SLC35F3: variants seen among roughly 807,000 people sequenced by gnomAD.
SLC35F3 encodes the protein solute carrier family 35 member F3, also known as putative thiamine transporter SLC35F3.
In SLC35F3, 25 loss-of-function variants were observed where a neutral mutation model predicts 49.9. The observed-to-expected ratio is 0.50, with a 90% CI of 0.37 to 0.70. The LOEUF (loss-of-function observed/expected upper bound fraction) is 0.70, where lower values mean the gene tolerates loss of function less well. SLC35F3 is among the 30% of genes least tolerant of loss of function. The pLI is 0.00. For synonymous variants in SLC35F3, 275 were observed against 265.4 expected, an observed-to-expected ratio of 1.04 and a Z score of -0.35; for missense variants, 525 against 639.8, an observed-to-expected ratio of 0.82 and a Z score of 1.94.
At chr1:234,017,606 C>G (rs906837313) in intron 2 of SLC35F3, among the ~76,000 whole-genome samples, 3 of 147,570 alleles carry the variant, frequency 2.0e-5, no homozygotes, top group Non-Finnish European at 4.5e-5. Context: ...CCCAGCTACT[C>G]GGGAGGCTGA....
chr1:234,049,802 G>A (rs941000035), intron 2 of SLC35F3, among the ~76,000 whole-genome samples: 6 of 151,876 alleles, frequency 4.0e-5, no homozygotes, highest in East Asian at 3.9e-4. Flanking sequence ...CCAACCCCAC[G>A]ACGGGCCCCG....
chr1:234,169,570 A>C (rs1167401644), intron 2 of SLC35F3, among the ~76,000 whole-genome samples: 1 of 141,560 alleles, frequency 7.1e-6, no homozygotes, highest in African/African-American at 3.1e-5. Context: ...GGACAGGGAC[A>C]TACTGCCTGT....
At chr1:234,254,794 G>T (rs533956045) in intron 3 of SLC35F3, among the ~76,000 whole-genome samples, 4 of 152,162 alleles carry the variant, frequency 2.6e-5, no homozygotes, top group African/African-American at 9.7e-5. Context: ...ATAAACAAAG[G>T]TGTTGCTAGA....
intron 3 of SLC35F3, among the ~76,000 whole-genome samples, chr1:234,297,109 C>T (rs918530001): frequency 6.6e-6 from 1 of 152,164 alleles, no homozygotes; most frequent in Admixed American, 6.5e-5. Context: ...TGAGATACCA[C>T]CTCACATCTG....
At chr1:234,235,987 C>G (rs1667462207) in intron 3 of SLC35F3, among the ~76,000 whole-genome samples, 1 of 152,032 alleles carries the variant, frequency 6.6e-6, no homozygotes, top group Non-Finnish European at 1.5e-5. Flanking sequence ...TGCGTCTTCT[C>G]TAGGCAATGC....
intron 2 of SLC35F3, among the ~76,000 whole-genome samples, chr1:233,975,340 T>C (rs1354062508): frequency 2.6e-5 from 4 of 152,248 alleles, no homozygotes; most frequent in Non-Finnish European, 4.4e-5. Flanking sequence ...AAGTGCTCAC[T>C]GATGGAACCC....
At chr1:234,319,014 C>G in intron 6 of SLC35F3, 71 bp downstream of exon 6, 1 of 1,296,676 alleles carries the variant, frequency 7.7e-7, no homozygotes, top group Non-Finnish European at 1.1e-6. Context: ...GAAACATGTT[C>G]CCTGAAGGCA....
chr1:234,066,092 T>C lies in SLC35F3; in HGVS notation c.283+160334T>C, dbSNP rs1397678479. ...AATGGTTTGGGGTCCAGTAGCTCGC[T>C]GGAGAAAAAATAATTATCATTATTA... On this transcript the variant is annotated intron_variant, in intron 2 of 7. Coordinates refer to ENST00000366618, the MANE Select transcript of SLC35F3 (RefSeq NM_173508.4). Among the ~76,000 whole-genome samples the C allele has an allele frequency of 2.0e-5, 3 of 152,200 alleles. No individual in the cohort carries two copies. The East Asian group carries it at 5.8e-4, about 29-fold the overall frequency.
At chr1:234,156,828 A>G (rs1666159169) in intron 2 of SLC35F3, among the ~76,000 whole-genome samples, 1 of 152,182 alleles carries the variant, frequency 6.6e-6, no homozygotes, top group African/African-American at 2.4e-5. Context: ...ATGAACCTTG[A>G]AAATATGATG....
At chr1:234,197,715 G>A (rs563448764) in intron 2 of SLC35F3, among the ~76,000 whole-genome samples, 120 of 152,346 alleles carry the variant, frequency 7.9e-4, no homozygotes, top group Middle Eastern at 3.4e-3. Flanking sequence ...TCCCCACGGA[G>A]GGCTGCAGTC....
At chr1:234,197,086 GGTCTTGAGCAGA>G in intron 2 of SLC35F3, among the ~76,000 whole-genome samples, 1 of 152,192 alleles carries the variant, frequency 6.6e-6, no homozygotes, top group Non-Finnish European at 1.5e-5. Flanking sequence ...CATTTTAAAG[GGTCTTGAGCAGA>G]GTTAGGGAAA....
At chr1:234,271,904 C>A (rs527939592) in intron 3 of SLC35F3, among the ~76,000 whole-genome samples, 17 of 152,150 alleles carry the variant, frequency 1.1e-4, no homozygotes, top group African/African-American at 3.9e-4. Flanking sequence ...GTGGGTGGAT[C>A]GCTTGAGTCC....
intron 2 of SLC35F3, among the ~76,000 whole-genome samples, chr1:234,071,913 A>G (rs1301128244): frequency 6.6e-6 from 1 of 152,250 alleles, no homozygotes; most frequent in Non-Finnish European, 1.5e-5. Context: ...GTTTCATTAT[A>G]TCCCACAGGG....
chr1:234,055,767 A>G (rs1030360264), intron 2 of SLC35F3, among the ~76,000 whole-genome samples: 1 of 152,190 alleles, frequency 6.6e-6, no homozygotes, highest in Non-Finnish European at 1.5e-5. Context: ...AGCTGTTCCT[A>G]TTCGGCCATC....
chr1:234,291,264 T>G (rs1197124791), intron 3 of SLC35F3, among the ~76,000 whole-genome samples: 1 of 152,234 alleles, frequency 6.6e-6, no homozygotes, highest in African/African-American at 2.4e-5. Flanking sequence ...TTAGGGGAAC[T>G]TGTTAAAATG....
intron 2 of SLC35F3, among the ~76,000 whole-genome samples, chr1:234,192,337 A>G (rs1298397215): frequency 2.6e-5 from 4 of 152,234 alleles, no homozygotes; most frequent in Admixed American, 2.6e-4. Flanking sequence ...AAAGAGAATT[A>G]AAAACAAAAA....
intron 2 of SLC35F3, among the ~76,000 whole-genome samples, chr1:233,998,656 C>T (rs1298278263): frequency 6.6e-6 from 1 of 151,916 alleles, no homozygotes; most frequent in Non-Finnish European, 1.5e-5. Context: ...ACACTAGTCA[C>T]ATGGGACTGC....
intron 2 of SLC35F3, among the ~76,000 whole-genome samples, chr1:234,126,438 T>C (rs1048940194): frequency 7.1e-5 from 10 of 140,478 alleles, no homozygotes; most frequent in African/African-American, 2.5e-4. Flanking sequence ...AACCAGGATA[T>C]CGACATTGAT....
chr1:234,231,346 A>C lies in SLC35F3; in HGVS notation c.284-71A>C. The C allele has an allele frequency of 1.6e-6, 2 of 1,288,640 alleles. No homozygotes were observed. The highest frequency in any genetic ancestry group is 2.1e-6 in the Non-Finnish European group (2 of 963,862). The allele number at this position is 1,288,640 out of a possible 1,614,324, so 79.8% of individuals were successfully genotyped here. On this transcript the variant is annotated intron_variant, in intron 2 of 7. Coordinates refer to ENST00000366618, the MANE Select transcript of SLC35F3 (RefSeq NM_173508.4). This position sits in a 1 kb window ranked among gnomAD's most constrained non-coding sequence, Gnocchi z 5.4. The stretch of plus-strand genomic sequence containing the variant: ...GGTAGCTGGTGGTGACAATGGCTGC[A>C]GGGCAGCGCCCTGCGAAGTGCAGGG...
Sources: allele counts gnomAD v4.1 joint callset (sites outside exome capture counted in the v4.1 genomes callset), GRCh38; gene constraint gnomAD v4.1.1; non-coding constraint Gnocchi (gnomAD v3.1); transcripts MANE v1.5; gene names NCBI Gene and HGNC (gene_info 2026-07-23, HGNC 2026-07-21).